The following CACNG8 variants were observed in gnomAD, a reference collection of about 807,000 sequenced individuals.
The protein encoded by CACNG8 is calcium voltage-gated channel auxiliary subunit gamma 8.
Under a neutral mutation model 26.9 loss-of-function variants are expected in CACNG8, and 5 were observed. That is an observed-to-expected ratio of 0.19 (90% confidence interval 0.10 to 0.39). The LOEUF (loss-of-function observed/expected upper bound fraction) is 0.39. Ranked by LOEUF, CACNG8 falls within the 10% of genes least tolerant of loss-of-function variation. The probability of loss-of-function intolerance (pLI) is 1.00; values close to 1 mark genes in which losing one functional copy is unlikely to be tolerated. For missense variants in CACNG8, 473 were observed against 609.4 expected, an observed-to-expected ratio of 0.78 and a Z score of 2.36; for synonymous variants, 321 against 296.7, an observed-to-expected ratio of 1.08 and a Z score of -0.84.
chr19:53,965,285 C>T (rs1009310105), intron 1 of CACNG8, among the ~76,000 whole-genome samples: 5 of 152,152 alleles, frequency 3.3e-5, no homozygotes, highest in African/African-American at 9.7e-5. Flanking sequence ...TCTGAGCTGG[C>T]GGAAGATCTA....
Position 53,982,019 on chromosome 19 carries a change from C to G in CACNG8, c.509-61C>G, listed in dbSNP as rs1266419177. The G allele has an allele frequency of 2.4e-6, 3 of 1,240,638 alleles. No homozygotes were observed. The highest frequency in any genetic ancestry group is 3.7e-5 in the East Asian group (1 of 26,964). 76.9% of individuals were successfully genotyped at this position (1,240,638 alleles called of 1,614,324 possible). Reference sequence around the variant, plus strand: ...TGGCGCAGGCGGGCAGGGGTCGGGGCCGGGGGCGGGGGCGGGGCCGGGGGT... The same window carrying G: ...TGGCGCAGGCGGGCAGGGGTCGGGGGCGGGGGCGGGGGCGGGGCCGGGGGT... On this transcript the variant is annotated intron_variant, in intron 3 of 3. Transcript: ENST00000270458. The surrounding 1 kb of genome is among the most constrained non-coding windows in gnomAD (Gnocchi z 8.4).
At chr19:53,981,510 T>TG (rs1375507551) in intron 3 of CACNG8, among the ~76,000 whole-genome samples, 1 of 151,924 alleles carries the variant, frequency 6.6e-6, no homozygotes, top group African/African-American at 2.4e-5. Context: ...CCAGACCATC[T>TG]GGGGGTGGGT....
At chr19:53,972,018 T>C (rs2069305362) in intron 1 of CACNG8, among the ~76,000 whole-genome samples, 1 of 152,180 alleles carries the variant, frequency 6.6e-6, no homozygotes, top group South Asian at 2.1e-4. Context: ...GGAGTCTCTC[T>C]CTGTCCCCCA....
rs568496252 is a variant in CACNG8, at chr19:53,963,014, C to G, written c.-129C>G. 60 of 371,916 alleles carry G rather than the reference C, an allele frequency of 1.6e-4. No individual in the cohort carries two copies. Among genetic ancestry groups the G allele is most frequent in the Middle Eastern group, 1.5e-3 (2 of 1,366 alleles). The allele number at this position is 371,916 out of a possible 1,614,324, so 23.0% of individuals were successfully genotyped here. ...CCGCAGCCTCCTCCTCGCCGCCCCC[C>G]TCCCCAGCCCCGCCGGCCCCGGGCC... On this transcript the variant is annotated 5_prime_UTR_variant, in exon 1 of 4. Coordinates refer to ENST00000270458, the MANE Select transcript of CACNG8 (RefSeq NM_031895.6).
chr19:53,981,615 C>T (rs1359541915), intron 3 of CACNG8, among the ~76,000 whole-genome samples: 1 of 150,784 alleles, frequency 6.6e-6, no homozygotes, highest in Non-Finnish European at 1.5e-5. Context: ...CCTGGACCAT[C>T]CAGGGCCGTG....
chr19:53,969,486 T>C (rs2069289954), intron 1 of CACNG8, among the ~76,000 whole-genome samples: 1 of 151,568 alleles, frequency 6.6e-6, no homozygotes. Flanking sequence ...CTAGAACTCC[T>C]GGGCTCAAGC....
chr19:53,967,914 T>C (rs1366044754), intron 1 of CACNG8, among the ~76,000 whole-genome samples: 1 of 152,174 alleles, frequency 6.6e-6, no homozygotes, highest in Non-Finnish European at 1.5e-5. Flanking sequence ...TTCTCAATCA[T>C]TAAAAACACA....
In CACNG8 at chr19:53,963,070, C is replaced by G. The variant is rs563715340; in HGVS notation, c.-73C>G. ...CTTCTGCCTGCGCTGTGAACCCCCC[C>G]CCAGCCGCCGGCACGGCCCCGCCCC... On this transcript the variant is annotated 5_prime_UTR_variant, in exon 1 of 4. Coordinates refer to ENST00000270458, the MANE Select transcript of CACNG8 (RefSeq NM_031895.6). 164 of 997,960 alleles carry G rather than the reference C, an allele frequency of 1.6e-4. No individual in the cohort carries two copies. The highest frequency in any genetic ancestry group is 1.1e-3 in the South Asian group (47 of 41,890). 61.8% of individuals were successfully genotyped at this position (997,960 alleles called of 1,614,324 possible). A position where few individuals can be genotyped will look rare whatever the true frequency, so the allele number is the denominator to read the frequency against.
In CACNG8 at chr19:53,988,988, C is replaced by A. The variant is rs1199837250; in HGVS notation, c.*6139C>A. 2 of 152,236 alleles carry A rather than the reference C, an allele frequency of 1.3e-5. No individual in the cohort carries two copies. The highest frequency in any genetic ancestry group is 4.8e-5 in the African/African-American group (2 of 41,434). 9.4% of individuals were successfully genotyped at this position (152,236 alleles called of 1,614,324 possible). A position where few individuals can be genotyped will look rare whatever the true frequency, so the allele number is the denominator to read the frequency against. On this transcript the variant is annotated 3_prime_UTR_variant, in exon 4 of 4. Coordinates refer to ENST00000270458, the MANE Select transcript of CACNG8 (RefSeq NM_031895.6). ...CTCAGTTCTTGGAAATACTTTCTGG[C>A]CAGGCTTGGGGGCTCATGCCTGTAA...
At position 53,977,713 on chromosome 19, in the gene CACNG8, T is replaced by A. The variant is rs116630514; in HGVS notation, c.284-433T>A. 7.2e-3 allele frequency among the ~76,000 whole-genome samples: 1,092 copies of A among 152,190 alleles called. 6 individuals carry two copies. Among genetic ancestry groups the A allele is most frequent in the African/African-American group, 0.025 (1,035 of 41,520 alleles). On this transcript the variant is annotated intron_variant, in intron 1 of 3. Coordinates refer to ENST00000270458, the MANE Select transcript of CACNG8 (RefSeq NM_031895.6). ...AGTCCTCATCGGCTTCCGCATCACT[T>A]TCCTTGTTTTTTTTCCCACGCATTT...
chr19:53,966,055 A>G (rs904906242), intron 1 of CACNG8, among the ~76,000 whole-genome samples: 2 of 151,966 alleles, frequency 1.3e-5, no homozygotes, highest in Admixed American at 6.6e-5. Flanking sequence ...CAGGGTCCCC[A>G]TCCCACAGGT....
chr19:53,974,884 C>G (rs1333512302), intron 1 of CACNG8, among the ~76,000 whole-genome samples: 1 of 150,360 alleles, frequency 6.7e-6, no homozygotes, highest in Non-Finnish European at 1.5e-5. Context: ...ACGTGATCCG[C>G]CCACCTCGGC....
intron 1 of CACNG8, among the ~76,000 whole-genome samples, chr19:53,966,427 T>G (rs1396505848): frequency 6.6e-6 from 1 of 152,042 alleles, no homozygotes; most frequent in Non-Finnish European, 1.5e-5. Flanking sequence ...TCTTTTTTTG[T>G]TTTTAGGCAG....
intron 1 of CACNG8, among the ~76,000 whole-genome samples, chr19:53,967,032 G>A (rs1034539533): frequency 6.6e-6 from 1 of 152,258 alleles, no homozygotes; most frequent in African/African-American, 2.4e-5. Context: ...TTGATATTTT[G>A]GGGTGGATAA....
chr19:53,976,197 TGCAATATTTA>T lies in CACNG8; in HGVS notation c.284-1946_284-1937del, dbSNP rs2069329629. The stretch of plus-strand genomic sequence containing the variant: ...GGGGAAACCCTGTCTATACAGAAAA[TGCAATATTTA>T]GCTGGGCATGGTGGCGCAAGCCTGT... On this transcript the variant is annotated intron_variant, in intron 1 of 3. Coordinates refer to ENST00000270458, the MANE Select transcript of CACNG8 (RefSeq NM_031895.6). Among the ~76,000 whole-genome samples, 3 of 151,880 alleles carry T rather than the reference TGCAATATTTA, an allele frequency of 2.0e-5. No homozygotes were observed. In the South Asian group the frequency reaches 6.2e-4, roughly 32 times the overall value.
chr19:53,976,738 C>G (rs1275541218), intron 1 of CACNG8, among the ~76,000 whole-genome samples: 1 of 151,754 alleles, frequency 6.6e-6, no homozygotes, highest in Non-Finnish European at 1.5e-5. Context: ...AATGGTGCAG[C>G]CTTGGCTCAC....
rs1444706675 is a variant in CACNG8 at position 53,982,051 on chromosome 19, G to C, written c.509-29G>C. Reference sequence around the variant, plus strand: ...CGGGGGCGGGGCCGGGGGTGGCCTCGAGGCTCCCGTCTGACCGTCCCCGCC... The same window carrying C: ...CGGGGGCGGGGCCGGGGGTGGCCTCCAGGCTCCCGTCTGACCGTCCCCGCC... On this transcript the variant is annotated intron_variant, in intron 3 of 3. Coordinates refer to ENST00000270458, the MANE Select transcript of CACNG8 (RefSeq NM_031895.6). The surrounding 1 kb of genome is among the most constrained non-coding windows in gnomAD (Gnocchi z 8.4). 2.0e-6 allele frequency: 3 copies of C among 1,523,322 alleles called. No homozygotes were observed. Among genetic ancestry groups the C allele is most frequent in the Non-Finnish European group, 1.8e-6 (2 of 1,138,198 alleles). The allele number at this position is 1,523,322 out of a possible 1,614,324, so 94.4% of individuals were successfully genotyped here.
chr19:53,976,074 G>A (rs762366010), intron 1 of CACNG8, among the ~76,000 whole-genome samples: 2 of 152,254 alleles, frequency 1.3e-5, no homozygotes, highest in Non-Finnish European at 2.9e-5. Flanking sequence ...GGCCAGCGCA[G>A]TGGCTCATGC....
chr19:53,971,777 C>T (rs1300054924), intron 1 of CACNG8, among the ~76,000 whole-genome samples: 1 of 152,204 alleles, frequency 6.6e-6, no homozygotes, highest in Non-Finnish European at 1.5e-5. Context: ...TCAGCCTGGA[C>T]TACCCAGCAT....
Sources: allele counts gnomAD v4.1 joint callset (sites outside exome capture counted in the v4.1 genomes callset), GRCh38; gene constraint gnomAD v4.1.1; non-coding constraint Gnocchi (gnomAD v3.1); transcripts MANE v1.5; gene names NCBI Gene and HGNC (gene_info 2026-07-23, HGNC 2026-07-21).